Variants in XKR9 observed in about 807,000 individuals in gnomAD.
XKR9 encodes XK-related protein 9.
A neutral mutation model predicts 32.0 loss-of-function variants in XKR9; 32 were observed. The ratio of observed to expected loss-of-function variants is 1.00; its 90% confidence interval spans 0.76 to 1.34. The LOEUF is 1.34. Ranked by LOEUF, XKR9 falls within the 40% of genes most tolerant of loss-of-function variation. The pLI is 0.00. For missense variants in XKR9, 546 were observed against 429.7 expected (o/e 1.27, Z -2.39); for synonymous variants, 168 against 143.4 (o/e 1.17, Z -1.22).
the XKR9 span, among the ~76,000 whole-genome samples, chr8:70,851,986 G>A: frequency 6.6e-6 from 1 of 152,214 alleles, no homozygotes; most frequent in Non-Finnish European, 1.5e-5. Flanking sequence ...TATCATCAAA[G>A]TGAACAGGCA....
chr8:70,741,200 C>A (rs917159659), intron 2 of XKR9, among the ~76,000 whole-genome samples: 2 of 152,092 alleles, frequency 1.3e-5, no homozygotes, highest in Non-Finnish European at 2.9e-5. Context: ...GGACTTTGGG[C>A]AGTATTTAAG....
chr8:70,911,894 T>G, the XKR9 span, among the ~76,000 whole-genome samples: 1 of 151,996 alleles, frequency 6.6e-6, no homozygotes, highest in South Asian at 2.1e-4. Flanking sequence ...GCAGTAAAGG[T>G]TATGAGAGAA....
At chr8:70,703,135 A>C (rs899927833) in intron 3 of XKR9, among the ~76,000 whole-genome samples, 2 of 150,628 alleles carry the variant, frequency 1.3e-5, no homozygotes, top group Non-Finnish European at 1.5e-5. Context: ...GATCAAATGT[A>C]ACAAATGTTT....
chr8:70,759,656 A>G (rs1807280962), intron 2 of XKR9, among the ~76,000 whole-genome samples: 1 of 152,086 alleles, frequency 6.6e-6, no homozygotes. Flanking sequence ...TGTGTAGGAG[A>G]GGGACTGCAT....
At chr8:70,813,375 G>C in the XKR9 span, among the ~76,000 whole-genome samples, 1 of 152,134 alleles carries the variant, frequency 6.6e-6, no homozygotes, top group African/African-American at 2.4e-5. Context: ...CAGGACATAG[G>C]CATGCGCAAG....
At chr8:70,980,439 T>C in the XKR9 span, among the ~76,000 whole-genome samples, 1 of 152,240 alleles carries the variant, frequency 6.6e-6, no homozygotes, top group Non-Finnish European at 1.5e-5. Context: ...TTGTCTGATA[T>C]AAGAATAGCT....
intron 4 of XKR9, among the ~76,000 whole-genome samples, chr8:70,713,286 T>C (rs1332449697): frequency 6.6e-6 from 1 of 151,968 alleles, no homozygotes; most frequent in East Asian, 1.9e-4. Flanking sequence ...TTAAGAGACA[T>C]GAGAGATAGG....
chr8:70,700,468 G>T (rs947707964), intron 3 of XKR9, among the ~76,000 whole-genome samples: 1 of 152,200 alleles, frequency 6.6e-6, no homozygotes, highest in Non-Finnish European at 1.5e-5. Flanking sequence ...GTTTGCCTGG[G>T]TATCAGCAGC....
chr8:70,869,628 A>T, the XKR9 span, among the ~76,000 whole-genome samples: 1 of 152,218 alleles, frequency 6.6e-6, no homozygotes, highest in East Asian at 1.9e-4. Flanking sequence ...TTTCCACTGT[A>T]TCTCACTGTC....
the XKR9 span, among the ~76,000 whole-genome samples, chr8:70,808,668 G>A: frequency 6.6e-6 from 1 of 152,230 alleles, no homozygotes; most frequent in Non-Finnish European, 1.5e-5. Flanking sequence ...ATGACTTGGA[G>A]GGTCCTACAC....
chr8:70,694,597 C>G (rs556790047), intron 3 of XKR9, among the ~76,000 whole-genome samples: 2 of 152,178 alleles, frequency 1.3e-5, no homozygotes, highest in Admixed American at 6.5e-5. Flanking sequence ...CTCAGACTCT[C>G]CAAAGCCTGA....
At chr8:70,879,590 C>T in the XKR9 span, among the ~76,000 whole-genome samples, 4 of 152,096 alleles carry the variant, frequency 2.6e-5, no homozygotes, top group Non-Finnish European at 5.9e-5. Context: ...CACATACACC[C>T]TCCCAAGACT....
chr8:71,045,258 G>A, the XKR9 span, among the ~76,000 whole-genome samples: 9 of 152,224 alleles, frequency 5.9e-5, no homozygotes, highest in East Asian at 9.6e-4. Flanking sequence ...CAACATATCC[G>A]CAAAGCTTGT....
the XKR9 span, among the ~76,000 whole-genome samples, chr8:70,891,710 G>A: frequency 1.3e-5 from 2 of 152,182 alleles, no homozygotes; most frequent in African/African-American, 4.8e-5. Flanking sequence ...TCTATGTGCT[G>A]ATGAAAAGAA....
chr8:71,058,543 A>G, the XKR9 span, among the ~76,000 whole-genome samples: 1 of 152,186 alleles, frequency 6.6e-6, no homozygotes, highest in Non-Finnish European at 1.5e-5. Context: ...GAAGAAAGCA[A>G]TAAGATTGAC....
chr8:70,891,980 G>T, the XKR9 span, among the ~76,000 whole-genome samples: 1 of 151,924 alleles, frequency 6.6e-6, no homozygotes, highest in Non-Finnish European at 1.5e-5. Flanking sequence ...ATATGCTTTT[G>T]CTGCATTGAT....
chr8:70,854,973 T>C, the XKR9 span, among the ~76,000 whole-genome samples: 1 of 152,176 alleles, frequency 6.6e-6, no homozygotes, highest in Non-Finnish European at 1.5e-5. Context: ...CCAGCTTTGT[T>C]CTTTTGGCTT....
the XKR9 span, among the ~76,000 whole-genome samples, chr8:71,055,259 GA>G: frequency 6.6e-6 from 1 of 152,286 alleles, no homozygotes; most frequent in East Asian, 1.9e-4. Context: ...GATTAAAGTT[GA>G]AACAGATGGA....
the XKR9 span, among the ~76,000 whole-genome samples, chr8:70,961,326 G>T: frequency 6.6e-6 from 1 of 152,120 alleles, no homozygotes; most frequent in South Asian, 2.1e-4. Flanking sequence ...GCTTGATCTG[G>T]AAGTTAGATA....
Sources: gnomAD v4.1 joint callset for allele counts (sites outside exome capture counted in the v4.1 genomes callset) on GRCh38, gnomAD v4.1.1 for gene constraint, MANE v1.5 for transcripts, NCBI Gene and HGNC (gene_info 2026-07-23, HGNC 2026-07-21) for gene names.